Variants in CLDN16 observed in about 807,000 individuals in gnomAD.
CLDN16 encodes the protein claudin 16, also known as claudin-16.
In CLDN16, 13 loss-of-function variants were observed where a neutral mutation model predicts 24.6. The ratio of observed to expected loss-of-function variants is 0.53; its 90% confidence interval spans 0.34 to 0.84. The LOEUF is 0.84. Ranked by LOEUF, CLDN16 falls within the 40% of genes least tolerant of loss-of-function variation. CLDN16 has a pLI of 0.01. For missense variants in CLDN16, 298 were observed against 292.7 expected (o/e 1.02, Z -0.13); for synonymous variants, 116 against 106.7 (o/e 1.09, Z -0.54).
chr3:190,313,305 T>C, the CLDN16 span: 3 of 456,348 alleles, frequency 6.6e-6, no homozygotes, highest in Non-Finnish European at 1.2e-5. Context: ...ACTGGAAAAT[T>C]AATTAATGAT....
the CLDN16 span, among the ~76,000 whole-genome samples, chr3:190,299,558 T>TA: frequency 6.6e-6 from 1 of 152,140 alleles, no homozygotes; most frequent in Non-Finnish European, 1.5e-5. Flanking sequence ...GAATTTTTTT[T>TA]ATATTTAAGT....
chr3:190,331,205 A>C (rs2108623098), intron 1 of CLDN16, among the ~76,000 whole-genome samples: 1 of 152,296 alleles, frequency 6.6e-6, no homozygotes. Flanking sequence ...CCTGGCTGGA[A>C]TTTGAATGCA....
At chr3:190,293,225 A>G in the CLDN16 span, among the ~76,000 whole-genome samples, 3 of 152,304 alleles carry the variant, frequency 2.0e-5, no homozygotes, top group South Asian at 2.1e-4. Flanking sequence ...AGCACCTTAT[A>G]AAACTATTGG....
chr3:190,334,353 A>G (rs952771677), intron 1 of CLDN16, among the ~76,000 whole-genome samples: 34 of 152,230 alleles, frequency 2.2e-4, no homozygotes, highest in African/African-American at 8.2e-4. Context: ...TATATGCTAT[A>G]TCAGGTAGGG....
At chr3:190,405,133 A>C (rs1205741776) in intron 3 of CLDN16, among the ~76,000 whole-genome samples, 1 of 152,122 alleles carries the variant, frequency 6.6e-6, no homozygotes, top group African/African-American at 2.4e-5. Context: ...CTCAGAACAA[A>C]ATATGAAGCT....
intron 1 of CLDN16, among the ~76,000 whole-genome samples, chr3:190,335,241 A>G (rs533765333): frequency 6.6e-6 from 1 of 151,484 alleles, no homozygotes; most frequent in East Asian, 2.0e-4. Context: ...ACGGAGTTTC[A>G]CCACGTTGGC....
At chr3:190,352,147 T>C (rs1717684111) in intron 1 of CLDN16, among the ~76,000 whole-genome samples, 1 of 151,986 alleles carries the variant, frequency 6.6e-6, no homozygotes, top group African/African-American at 2.4e-5. Context: ...AAAAGTTTTT[T>C]TTTTTTTAAA....
the CLDN16 span, among the ~76,000 whole-genome samples, chr3:190,309,343 G>A: frequency 3.4e-3 from 518 of 152,272 alleles, 1 homozygote; most frequent in African/African-American, 0.012. Context: ...TAAATCTTAT[G>A]GGATGGGCTC....
At chr3:190,404,097 T>C (rs960141170) in intron 2 of CLDN16, among the ~76,000 whole-genome samples, 1 of 152,132 alleles carries the variant, frequency 6.6e-6, no homozygotes, top group Non-Finnish European at 1.5e-5. Context: ...AAGTCACGTC[T>C]GGAAGAGATA....
intron 1 of CLDN16, among the ~76,000 whole-genome samples, chr3:190,399,911 T>C (rs1000950599): frequency 1.3e-5 from 2 of 152,142 alleles, no homozygotes; most frequent in African/African-American, 2.4e-5. Context: ...TCGATTCTCA[T>C]AGGAGTGCAA....
At chr3:190,362,958 T>C (rs918628456) in intron 1 of CLDN16, among the ~76,000 whole-genome samples, 2 of 152,022 alleles carry the variant, frequency 1.3e-5, no homozygotes, top group African/African-American at 4.8e-5. Context: ...TTGTATTTTT[T>C]CTGCTTCGGT....
chr3:190,335,572 C>T (rs532443029), intron 1 of CLDN16, among the ~76,000 whole-genome samples: 3 of 151,892 alleles, frequency 2.0e-5, no homozygotes, highest in African/African-American at 4.8e-5. Flanking sequence ...AACATTTGGG[C>T]GTGGTGGTGC....
upstream of CLDN16, among the ~76,000 whole-genome samples, chr3:190,387,026 C>T (rs1718517404): frequency 4.6e-5 from 7 of 151,938 alleles, no homozygotes; most frequent in Admixed American, 4.6e-4. Context: ...GAGTAATTAC[C>T]TCTTTCTGGC....
At chr3:190,329,709 C>T (rs1717142111) in intron 1 of CLDN16, among the ~76,000 whole-genome samples, 1 of 152,072 alleles carries the variant, frequency 6.6e-6, no homozygotes, top group South Asian at 2.1e-4. Context: ...GGTTATTTAA[C>T]TTTTTTTCTC....
the CLDN16 span, chr3:190,308,195 T>C: frequency 1.3e-6 from 2 of 1,528,118 alleles, no homozygotes; most frequent in Non-Finnish European, 1.8e-6. Context: ...TACCCAAAAT[T>C]CTAAGGTCCT....
At chr3:190,300,673 A>G in the CLDN16 span, among the ~76,000 whole-genome samples, 1 of 152,218 alleles carries the variant, frequency 6.6e-6, no homozygotes, top group East Asian at 1.9e-4. Flanking sequence ...CCTGGCAAAG[A>G]CTTTTGCTAT....
the CLDN16 span, among the ~76,000 whole-genome samples, chr3:190,298,542 G>A: frequency 0.58 from 87,149 of 150,468 alleles, 25,816 homozygotes; most frequent in African/African-American, 0.71. Flanking sequence ...GGCAACCTCC[G>A]CCTCCTGGGT....
chr3:190,377,864 C>A (rs1319478342), intron 3 of CLDN16, among the ~76,000 whole-genome samples: 1 of 151,856 alleles, frequency 6.6e-6, no homozygotes, highest in East Asian at 1.9e-4. Flanking sequence ...TACTTGCCTG[C>A]AACCTTATTT....
intron 1 of CLDN16, among the ~76,000 whole-genome samples, chr3:190,363,733 G>T (rs111275149): frequency 0.028 from 4,273 of 151,312 alleles, 92 homozygotes; most frequent in East Asian, 0.056. Flanking sequence ...GTTGTTTAGT[G>T]TCTTTTACAC....
Sources: allele counts gnomAD v4.1 joint callset (sites outside exome capture counted in the v4.1 genomes callset), GRCh38; gene constraint gnomAD v4.1.1; transcripts MANE v1.5; gene names NCBI Gene and HGNC (gene_info 2026-07-23, HGNC 2026-07-21).